Variants in PDE11A observed in about 807,000 individuals in gnomAD.
The protein encoded by PDE11A is phosphodiesterase 11A.
In PDE11A, 100 loss-of-function variants were observed where a neutral mutation model predicts 100.5. The ratio of observed to expected loss-of-function variants is 1.00; its 90% CI spans 0.85 to 1.18. PDE11A has a LOEUF of 1.18. PDE11A is among the 50% of genes most tolerant of loss of function. The probability of loss-of-function intolerance (pLI) is 0.00; values close to 1 mark genes in which losing one functional copy is unlikely to be tolerated. For synonymous variants in PDE11A, 381 were observed against 420.8 expected (o/e 0.91, Z 1.16); for missense variants, 1,141 against 1,152.6 (o/e 0.99, Z 0.15).
intron 2 of PDE11A, among the ~76,000 whole-genome samples, chr2:177,940,435 C>G (rs371918469): frequency 1.3e-5 from 2 of 152,014 alleles, no homozygotes; most frequent in African/African-American, 4.8e-5. Flanking sequence ...TAATAGAGTC[C>G]TGAGAACTGA....
intron 5 of PDE11A, among the ~76,000 whole-genome samples, chr2:177,861,271 T>A (rs1558978691): frequency 6.6e-6 from 1 of 151,856 alleles, no homozygotes; most frequent in East Asian, 1.9e-4. Context: ...AAAACTCAGC[T>A]GTATTTCTAC....
intron 2 of PDE11A, among the ~76,000 whole-genome samples, chr2:177,923,692 A>T (rs2085086846): frequency 6.6e-6 from 1 of 152,180 alleles, no homozygotes; most frequent in Admixed American, 6.5e-5. Context: ...TCCTATCAAG[A>T]TGCTGAATGT....
At chr2:178,070,318 T>C (rs968157131) in intron 1 of PDE11A, among the ~76,000 whole-genome samples, 1 of 152,236 alleles carries the variant, frequency 6.6e-6, no homozygotes, top group Non-Finnish European at 1.5e-5. Context: ...CACAAAAATA[T>C]GAAACTTGGC....
At chr2:177,894,949 C>T (rs1445242381) in intron 4 of PDE11A, among the ~76,000 whole-genome samples, 1 of 152,140 alleles carries the variant, frequency 6.6e-6, no homozygotes, top group East Asian at 1.9e-4. Flanking sequence ...TTGCCTGTAA[C>T]TCCTGCCTCC....
chr2:177,769,325 T>G lies in PDE11A; in HGVS notation c.1786A>C (p.Lys596Gln). 6.3e-7 allele frequency: 1 copy of G among 1,586,628 alleles called. No individual in the cohort carries two copies. The highest frequency in any genetic ancestry group is 8.7e-7 in the Non-Finnish European group (1 of 1,155,010). ...TCSKAEVDKF[K>Q]AANIPLVSEL... is the part of the protein sequence containing the mutation. ...AAGGAAACCATTTTCTTCCTTACCT[T>G]AAACTTGTCAACTTCAGCTTTTGAA... The change falls in exon 10 of 20, where the codon AAG becomes CAG. Residue 596 changes from lysine to glutamine, a missense_variant and splice_region_variant. Coordinates refer to ENST00000286063, the MANE Select transcript of PDE11A (RefSeq NM_016953.4).
At chr2:177,819,712 C>A (rs2083102046) in intron 7 of PDE11A, among the ~76,000 whole-genome samples, 1 of 151,956 alleles carries the variant, frequency 6.6e-6, no homozygotes, top group South Asian at 2.1e-4. Flanking sequence ...TTATTTCTTC[C>A]TTTGCCTTTA....
intron 6 of PDE11A, among the ~76,000 whole-genome samples, chr2:177,835,633 G>A (rs1169924299): frequency 6.6e-6 from 1 of 152,214 alleles, no homozygotes; most frequent in Non-Finnish European, 1.5e-5. Context: ...GGCTGGCCAA[G>A]GCTGAAGCCA....
intron 1 of PDE11A, among the ~76,000 whole-genome samples, chr2:178,048,076 A>T (rs1251379039): frequency 1.3e-5 from 2 of 152,244 alleles, no homozygotes; most frequent in Non-Finnish European, 2.9e-5. Context: ...GGTTACAGAC[A>T]GAAGTAGATA....
intron 4 of PDE11A, among the ~76,000 whole-genome samples, chr2:177,897,453 G>T (rs914816673): frequency 2.0e-5 from 3 of 152,234 alleles, no homozygotes; most frequent in South Asian, 2.1e-4. Context: ...CACCTGGTAA[G>T]GCTACTTTGT....
At chr2:177,799,666 T>A (rs866666937) in intron 9 of PDE11A, among the ~76,000 whole-genome samples, 1 of 152,202 alleles carries the variant, frequency 6.6e-6, no homozygotes, top group East Asian at 1.9e-4. Flanking sequence ...CCATGCTTTA[T>A]CTCCACCCCC....
chr2:177,935,560 A>G (rs2085261998), intron 2 of PDE11A, among the ~76,000 whole-genome samples: 1 of 152,082 alleles, frequency 6.6e-6, no homozygotes, highest in Non-Finnish European at 1.5e-5. Context: ...TACCCAAGAG[A>G]CCACACAAAC....
intron 10 of PDE11A, among the ~76,000 whole-genome samples, chr2:177,742,844 AG>A: frequency 6.6e-6 from 1 of 152,338 alleles, no homozygotes; most frequent in East Asian, 1.9e-4. Flanking sequence ...AAAGGTCAGT[AG>A]AGGTAATGGA....
At chr2:177,929,872 T>C (rs2105762499) in intron 2 of PDE11A, among the ~76,000 whole-genome samples, 1 of 152,308 alleles carries the variant, frequency 6.6e-6, no homozygotes, top group East Asian at 1.9e-4. Flanking sequence ...GTAACTGCTG[T>C]TTGAGCAATA....
rs553074245 is a variant in PDE11A at position 177,785,310 on chromosome 2, A to C, written c.1738-15937T>G. Among the ~76,000 whole-genome samples the C allele has an allele frequency of 2.2e-4, 34 of 152,260 alleles. No homozygotes were observed. The South Asian group carries it at 6.8e-3, about 31-fold the overall frequency. On this transcript the variant is annotated intron_variant, in intron 9 of 19. Coordinates refer to ENST00000286063, the MANE Select transcript of PDE11A (RefSeq NM_016953.4). ...CCAGATAGGAGAGAACCAGAAAAAA[A>C]ACTGATGATGAGCACTGATGGTAAC...
intron 1 of PDE11A, among the ~76,000 whole-genome samples, chr2:178,040,053 T>C (rs1178083048): frequency 1.4e-5 from 2 of 146,484 alleles, no homozygotes; most frequent in Non-Finnish European, 3.0e-5. Context: ...AAGATTTCAA[T>C]GTAGTGGCTT....
chr2:177,747,112 TG>T (rs2081959233), intron 10 of PDE11A, among the ~76,000 whole-genome samples: 1 of 152,104 alleles, frequency 6.6e-6, no homozygotes, highest in South Asian at 2.1e-4. Flanking sequence ...TTTATTGTGG[TG>T]GTGCAAGAGT....
intron 2 of PDE11A, among the ~76,000 whole-genome samples, chr2:177,945,621 G>A (rs550261974): frequency 1.2e-4 from 18 of 150,880 alleles, no homozygotes; most frequent in South Asian, 6.3e-4. Context: ...CCCTCCGCCC[G>A]GCAGCCGCCC....
rs375794521 is a variant in PDE11A at position 177,847,796 on chromosome 2, C to T, written c.1368-7413G>A. Among the ~76,000 whole-genome samples the T allele has an allele frequency of 2.6e-4, 40 of 152,312 alleles. 1 individual carries two copies. In the South Asian group the frequency reaches 3.9e-3, roughly 15 times the overall value. On this transcript the variant is annotated intron_variant, in intron 5 of 19. Transcript: ENST00000286063. The stretch of plus-strand genomic sequence containing the variant: ...CCTAATGCCATATTGCTTGTGCCCA[C>T]GTTGTCACTAGTTTCCTATTTAAAC...
chr2:177,685,442 T>C (rs948034310), intron 15 of PDE11A, among the ~76,000 whole-genome samples: 2 of 152,238 alleles, frequency 1.3e-5, no homozygotes, highest in Non-Finnish European at 2.9e-5. Flanking sequence ...ACGATTGTTA[T>C]ATCTGCCCAT....
Sources: allele counts gnomAD v4.1 joint callset (sites outside exome capture counted in the v4.1 genomes callset), GRCh38; gene constraint gnomAD v4.1.1; transcripts MANE v1.5; gene names NCBI Gene and HGNC (gene_info 2026-07-23, HGNC 2026-07-21).